Variants in TRPS1 observed in about 807,000 individuals in gnomAD.
The protein encoded by TRPS1 is zinc finger transcription factor Trps1.
A neutral mutation model predicts 101.2 loss-of-function variants in TRPS1; 6 were observed. That is an observed-to-expected ratio of 0.06 (90% CI 0.03 to 0.12). The LOEUF is 0.12. Ranked by LOEUF, TRPS1 falls within the 10% of genes least tolerant of loss-of-function variation. The probability of loss-of-function intolerance (pLI) is 1.00; values close to 1 mark genes in which losing one functional copy is unlikely to be tolerated. For synonymous variants in TRPS1, 578 were observed against 589.8 expected, an observed-to-expected ratio of 0.98 and a Z score of 0.29; for missense variants, 1,363 against 1,567.0, an observed-to-expected ratio of 0.87 and a Z score of 2.20.
intron 3 of TRPS1, 49 bp from the exon 4 acceptor site, chr8:115,605,051 A>G: frequency 6.3e-7 from 1 of 1,575,798 alleles, no homozygotes; most frequent in Non-Finnish European, 8.7e-7. Context: ...CATTAATTCA[A>G]TGGGCCCTCT....
At position 115,418,496 on chromosome 8, in the gene TRPS1, A is replaced by G; in HGVS notation, c.2701-44T>C. ...ACCAAGGTCAGAGGTGAGTCACATG[A>G]TCAGTGGAGTTAGACCAAATCAACC... On this transcript the variant is annotated intron_variant, in intron 5 of 6. Transcript: ENST00000395715. The surrounding 1 kb of genome is among the most constrained non-coding windows in gnomAD (Gnocchi z 4.3). 6.2e-7 allele frequency: 1 copy of G among 1,613,880 alleles called. No homozygotes were observed. The highest frequency in any genetic ancestry group is 8.5e-7 in the Non-Finnish European group (1 of 1,179,876).
At chr8:115,572,267 T>C (rs779407698) in intron 5 of TRPS1, among the ~76,000 whole-genome samples, 5 of 152,170 alleles carry the variant, frequency 3.3e-5, no homozygotes, top group African/African-American at 4.8e-5. Context: ...CATAGATTTT[T>C]AGTTGGAGTG....
intron 5 of TRPS1, among the ~76,000 whole-genome samples, chr8:115,451,323 C>T (rs1813865912): frequency 6.7e-6 from 1 of 149,330 alleles, no homozygotes; most frequent in South Asian, 2.1e-4. Context: ...TTCATTCTCT[C>T]TTTTTTTTTT....
chr8:115,561,272 A>C (rs990508302), intron 5 of TRPS1, among the ~76,000 whole-genome samples: 4 of 152,040 alleles, frequency 2.6e-5, no homozygotes, highest in African/African-American at 4.8e-5. Flanking sequence ...AACACCGTGA[A>C]GGCAAGGCGT....
rs557710986 is a variant in TRPS1, at chr8:115,557,111, C to A, written c.2700+29890G>T. On this transcript the variant is annotated intron_variant, in intron 5 of 6. Coordinates refer to ENST00000395715, the MANE Select transcript of TRPS1 (RefSeq NM_014112.5). The stretch of plus-strand genomic sequence containing the variant: ...AAGAGAGAGAGCTTGTGCAGGGAAA[C>A]CCCTCTTTTTAAAACCACCTGATCT... 9.2e-5 allele frequency among the ~76,000 whole-genome samples: 14 copies of A among 152,166 alleles called. No individual in the cohort carries two copies. The South Asian group carries it at 2.9e-3, about 32-fold the overall frequency.
intron 5 of TRPS1, among the ~76,000 whole-genome samples, chr8:115,491,437 G>T (rs1205723233): frequency 6.6e-6 from 1 of 152,034 alleles, no homozygotes; most frequent in Non-Finnish European, 1.5e-5. Flanking sequence ...TTTTAGCTTT[G>T]GCTTAAACCT....
intron 3 of TRPS1, among the ~76,000 whole-genome samples, chr8:115,611,710 G>A (rs1007315667): frequency 6.6e-6 from 1 of 152,196 alleles, no homozygotes; most frequent in Non-Finnish European, 1.5e-5. Flanking sequence ...AATCAACAGC[G>A]AGAGTAAGAC....
chr8:115,449,395 C>A (rs577927669), intron 5 of TRPS1, among the ~76,000 whole-genome samples: 1 of 152,288 alleles, frequency 6.6e-6, no homozygotes, highest in East Asian at 1.9e-4. Flanking sequence ...CTGCACTTTG[C>A]AGTTTGGGGA....
intron 3 of TRPS1, among the ~76,000 whole-genome samples, chr8:115,606,098 A>C (rs1325807152): frequency 6.6e-6 from 1 of 152,208 alleles, no homozygotes; most frequent in African/African-American, 2.4e-5. Context: ...TGCCTTCTTC[A>C]ACAGCTGTTC....
intron 3 of TRPS1, among the ~76,000 whole-genome samples, chr8:115,616,228 T>C: frequency 6.6e-6 from 1 of 152,214 alleles, no homozygotes; most frequent in South Asian, 2.1e-4. Context: ...TATTTGGCAG[T>C]ATTTTTACAA....
Position 115,555,420 on chromosome 8 carries a change from A to C in TRPS1, c.2700+31581T>G, listed in dbSNP as rs1460449480. ...TGTAATTATTAAAAACAAGAAAGAA[A>C]ACCTAACAGTTTTTCCGAACACTTC... On this transcript the variant is annotated intron_variant, in intron 5 of 6. Transcript: ENST00000395715. 5.3e-5 allele frequency among the ~76,000 whole-genome samples: 8 copies of C among 152,354 alleles called. No homozygotes were observed. The East Asian group carries it at 1.3e-3, about 26-fold the overall frequency.
At chr8:115,522,584 A>C (rs1454360525) in intron 5 of TRPS1, among the ~76,000 whole-genome samples, 1 of 152,112 alleles carries the variant, frequency 6.6e-6, no homozygotes, top group African/African-American at 2.4e-5. Context: ...ACTCAGTTTG[A>C]TAACACCAGA....
chr8:115,564,914 T>TTCATA (rs1416059295), intron 5 of TRPS1, among the ~76,000 whole-genome samples: 1 of 152,146 alleles, frequency 6.6e-6, no homozygotes, highest in Non-Finnish European at 1.5e-5. Context: ...TTATAAATAA[T>TTCATA]GGTACATACA....
At chr8:115,528,641 G>A (rs538620996) in intron 5 of TRPS1, among the ~76,000 whole-genome samples, 1 of 152,084 alleles carries the variant, frequency 6.6e-6, no homozygotes, top group East Asian at 1.9e-4. Flanking sequence ...GGTAATAAAT[G>A]ATAATTGAAA....
rs563390110 is a variant in TRPS1, at chr8:115,515,989, T to C, written c.2700+71012A>G. ...GTGCAGGACAAATAAGCTTGGCAATTATCCTTTTAAAAAAATCTATAATTA... is the reference window on the plus strand; with the variant it reads ...GTGCAGGACAAATAAGCTTGGCAATCATCCTTTTAAAAAAATCTATAATTA... On this transcript the variant is annotated intron_variant, in intron 5 of 6. Coordinates refer to ENST00000395715, the MANE Select transcript of TRPS1 (RefSeq NM_014112.5). 2.0e-5 allele frequency among the ~76,000 whole-genome samples: 3 copies of C among 151,580 alleles called. No homozygotes were observed. The East Asian group carries it at 5.8e-4, about 29-fold the overall frequency.
chr8:115,538,690 G>C (rs1816381253), intron 5 of TRPS1, among the ~76,000 whole-genome samples: 2 of 151,848 alleles, frequency 1.3e-5, no homozygotes, highest in Admixed American at 6.6e-5. Context: ...AACATACTCT[G>C]TGCTAGATAC....
chr8:115,643,588 T>C (rs949293196), intron 1 of TRPS1, among the ~76,000 whole-genome samples: 2 of 152,224 alleles, frequency 1.3e-5, no homozygotes, highest in African/African-American at 4.8e-5. Context: ...TCTCTTGCTA[T>C]TTCTACCACA....
At chr8:115,426,232 T>C (rs545457618) in intron 5 of TRPS1, among the ~76,000 whole-genome samples, 57 of 152,282 alleles carry the variant, frequency 3.7e-4, no homozygotes, top group African/African-American at 1.3e-3. Context: ...GTTAAACAAT[T>C]TTAGCACCTC....
At chr8:115,534,147 T>C (rs1398980446) in intron 5 of TRPS1, among the ~76,000 whole-genome samples, 1 of 150,494 alleles carries the variant, frequency 6.6e-6, no homozygotes, top group Non-Finnish European at 1.5e-5. Context: ...CTAACCCTGA[T>C]ACCATCACAC....
Sources: gnomAD v4.1 joint callset for allele counts (sites outside exome capture counted in the v4.1 genomes callset) on GRCh38, gnomAD v4.1.1 for gene constraint, Gnocchi (gnomAD v3.1) non-coding constraint, MANE v1.5 for transcripts, NCBI Gene and HGNC (gene_info 2026-07-23, HGNC 2026-07-21) for gene names.